TYK2: variants seen among roughly 807,000 people sequenced by gnomAD.
TYK2 encodes tyrosine kinase 2, also known as non-receptor tyrosine-protein kinase TYK2.
In TYK2, 65 loss-of-function variants were observed where a neutral mutation model predicts 130.9. That is an observed-to-expected ratio of 0.50 (90% CI 0.41 to 0.61). TYK2 has a LOEUF of 0.61. Ranked by LOEUF, TYK2 falls within the 20% of genes least tolerant of loss-of-function variation. The probability of loss-of-function intolerance (pLI) is 0.00; values close to 1 mark genes in which losing one functional copy is unlikely to be tolerated. For missense variants in TYK2, 1,378 were observed against 1,610.7 expected, an observed-to-expected ratio of 0.86 and a Z score of 2.47; for synonymous variants, 647 against 658.9, an observed-to-expected ratio of 0.98 and a Z score of 0.28.
Position 10,352,426 on chromosome 19 carries a change from G to C in TYK2, c.3318+8C>G, listed in dbSNP as rs1241130648. ...AACTCCCGGTGGGGCTGCGGGCCTGGCTCTCACCGTGGGGGGGCTCTGGCT... is the reference window on the plus strand; with the variant it reads ...AACTCCCGGTGGGGCTGCGGGCCTGCCTCTCACCGTGGGGGGGCTCTGGCT... On this transcript the variant is annotated splice_region_variant and intron_variant, in intron 23 of 24. Transcript: ENST00000525621. 2 of 1,582,792 alleles carry C rather than the reference G, an allele frequency of 1.3e-6. No homozygotes were observed. Among genetic ancestry groups the C allele is most frequent in the Non-Finnish European group, 1.7e-6 (2 of 1,152,324 alleles).
chr19:10,360,418 G>C (rs555838961), intron 14 of TYK2, among the ~76,000 whole-genome samples: 1 of 152,192 alleles, frequency 6.6e-6, no homozygotes, highest in African/African-American at 2.4e-5. Context: ...GATCGCTTGA[G>C]CCCGGGAGGT....
rs1449014895 is a variant in TYK2 at position 10,378,461 on chromosome 19, C to A, written c.-20-35G>T. 6 of 1,562,862 alleles carry A rather than the reference C, an allele frequency of 3.8e-6. No individual in the cohort carries two copies. In the East Asian group the frequency reaches 6.8e-5, roughly 18 times the overall value. ...GGACAATCTGTCAGCTCCCAAGTCT[C>A]AGCCCAGAGACCCCTGTTAGCTCTT... On this transcript the variant is annotated intron_variant, in intron 2 of 24. Transcript: ENST00000525621.
intron 5 of TYK2, among the ~76,000 whole-genome samples, chr19:10,367,044 CA>C (rs780433495): frequency 0.037 from 4,547 of 122,846 alleles, 183 homozygotes; most frequent in African/African-American, 0.11. Context: ...AACTCTGTCT[CA>C]AAAAAAAAAA....
chr19:10,358,522 T>C (rs1253681782), intron 15 of TYK2, among the ~76,000 whole-genome samples: 5 of 151,966 alleles, frequency 3.3e-5, no homozygotes, highest in African/African-American at 1.2e-4. Context: ...GGTGTGATCA[T>C]AGCTTACTAC....
At chr19:10,367,702 C>T (rs922390876) in intron 5 of TYK2, among the ~76,000 whole-genome samples, 14 of 151,084 alleles carry the variant, frequency 9.3e-5, no homozygotes, top group African/African-American at 1.9e-4. Flanking sequence ...GGGCAGATCA[C>T]GAGGTCAGGA....
At position 10,357,880 on chromosome 19, in the gene TYK2, G is replaced by A. The variant is rs759014184; in HGVS notation, c.2350C>T (p.Leu784=). Residue 784 remains leucine, a synonymous_variant, in exon 17 of 25, where the codon CTA becomes TTA. Coordinates refer to ENST00000525621, the MANE Select transcript of TYK2 (RefSeq NM_003331.5). ...ERIPWLAPEC[L]PGGANSLSTA... is the part of the protein sequence containing the mutation. ...CTTAGGCTGTTGGCCCCACCTGGTA[G>A]GCATTCGGGGGCCAGCCAGGGGATC... 2 of 1,613,418 alleles carry A rather than the reference G, an allele frequency of 1.2e-6. No individual in the cohort carries two copies. Among genetic ancestry groups the A allele is most frequent in the Non-Finnish European group, 8.5e-7 (1 of 1,180,036 alleles).
In TYK2 at chr19:10,361,285, G is replaced by A. The variant is rs1300317578; in HGVS notation, c.2047+226C>T. 5 of 622,072 alleles carry A rather than the reference G, an allele frequency of 8.0e-6. No individual in the cohort carries two copies. Among genetic ancestry groups the A allele is most frequent in the Admixed American group, 2.4e-5 (1 of 41,318 alleles). 38.5% of individuals were successfully genotyped at this position (622,072 alleles called of 1,614,324 possible). On this transcript the variant is annotated intron_variant, in intron 14 of 24. Transcript: ENST00000525621. This position sits in a 1 kb window ranked among gnomAD's most constrained non-coding sequence, Gnocchi z 4.0. ...ATCAGGGTGGGGGTTGAGACTGAGG[G>A]CAGGTGAGGGTCGACGTGTTGGGAT...
intron 23 of TYK2, chr19:10,351,373 G>C (rs2040796271): frequency 2.2e-6 from 1 of 455,334 alleles, no homozygotes; most frequent in Non-Finnish European, 4.1e-6. Context: ...CGTAATCCCA[G>C]CTACTTGGGA....
rs1224824249 is a variant in TYK2 at position 10,368,360 on chromosome 19, C to T, written c.252G>A (p.Trp84Ter). Residue 84 changes from tryptophan to a stop codon, truncating the protein, a stop_gained, in exon 4 of 25, where the codon TGG (tryptophan) becomes TGA (stop). Coordinates refer to ENST00000525621, the MANE Select transcript of TYK2 (RefSeq NM_003331.5). LOFTEE classifies it high-confidence loss of function. Reference protein sequence around the residue: ...FALFDAQAQVWLPPNHILEIP... With the variant: ...FALFDAQAQV ...TCTCTAGGATGTGGTTTGGGGGCAA[C>T]CAGACTTGGGCCTGAGCATCGAAGA... The T allele has an allele frequency of 1.2e-6, 2 of 1,614,004 alleles. No individual in the cohort carries two copies. Among genetic ancestry groups the T allele is most frequent in the African/African-American group, 2.7e-5 (2 of 74,888 alleles).
intron 6 of TYK2, 90 bp from the exon 7 acceptor site, chr19:10,365,988 C>T (rs1416529927): frequency 1.5e-6 from 2 of 1,338,282 alleles, no homozygotes; most frequent in Admixed American, 2.5e-5. Flanking sequence ...CCTCTTTGAG[C>T]CTCAGCTGCC....
chr19:10,350,889 T>G lies in TYK2; in HGVS notation c.3509A>C (p.Lys1170Thr). 1 of 1,614,160 alleles carries G rather than the reference T, an allele frequency of 6.2e-7. No homozygotes were observed. The highest frequency in any genetic ancestry group is 8.5e-7 in the Non-Finnish European group (1 of 1,180,032). ...PTFENLIPILKTVHEKYQGQA... is the reference protein window; with the variant it reads ...PTFENLIPILTTVHEKYQGQA... ...GCCTTGGTACTTCTCATGGACTGTC[T>G]TCAGAATGGGTATGAGGTTCTCGAA... The change falls in exon 25 of 25, where the codon AAG becomes ACG. Residue 1170 changes from lysine (K) to threonine (T), a missense_variant. Transcript: ENST00000525621.
At position 10,358,021 on chromosome 19, in the gene TYK2, C is replaced by T. The variant is rs1197074529; in HGVS notation, c.2293G>A (p.Gly765Ser). 1.2e-6 allele frequency: 2 copies of T among 1,613,490 alleles called. No individual in the cohort carries two copies. Among genetic ancestry groups the T allele is most frequent in the Non-Finnish European group, 1.7e-6 (2 of 1,180,010 alleles). ...TACTCACCCTCCCTGGAGAGGGCGC[C>T]CAGGCCCACGCCAGGATCACTCAGC... Reference protein sequence around the residue: ...IKLSDPGVGLGALSREERVER... With the variant: ...IKLSDPGVGLSALSREERVER... Residue 765 changes from glycine (G) to serine (S), a missense_variant, in exon 16 of 25, where the codon GGC becomes AGC. Coordinates refer to ENST00000525621, the MANE Select transcript of TYK2 (RefSeq NM_003331.5).
rs747336784 is a variant in TYK2 at position 10,350,937 on chromosome 19, G to A, written c.3461C>T (p.Thr1154Ile). 6.2e-7 allele frequency: 1 copy of A among 1,614,214 alleles called. No homozygotes were observed. The highest frequency in any genetic ancestry group is 1.1e-5 in the South Asian group (1 of 91,088). Residue 1154 changes from threonine (T) to isoleucine (I), a missense_variant, in exon 25 of 25, where the codon ACA becomes ATA. By Grantham distance (89) the Thr-to-Ile change is moderately conservative. Coordinates refer to ENST00000525621, the MANE Select transcript of TYK2 (RefSeq NM_003331.5). ...VYHLMKNCWE[T>I]EASFRPTFEN... Reference sequence around the variant, plus strand: ...GAAGGTTGGGCGAAAGGACGCCTCTGTCTCCCAGCAGTTCTTCATGAGATG... The same window carrying A: ...GAAGGTTGGGCGAAAGGACGCCTCTATCTCCCAGCAGTTCTTCATGAGATG...
intron 6 of TYK2, among the ~76,000 whole-genome samples, chr19:10,366,202 G>A (rs1049161681): frequency 1.3e-5 from 2 of 152,098 alleles, no homozygotes; most frequent in African/African-American, 4.8e-5. Flanking sequence ...AGCTACTCAG[G>A]AGGCTGAGGA....
In TYK2 at chr19:10,361,617, T is replaced by A; in HGVS notation, c.1960-19A>T. Reference sequence around the variant, plus strand: ...AGAAGGCCTGTGGGGACCGGGCAGGTCAGGTGGCTGCAAAGCCGACCCCTC... The same window carrying A: ...AGAAGGCCTGTGGGGACCGGGCAGGACAGGTGGCTGCAAAGCCGACCCCTC... On this transcript the variant is annotated intron_variant, in intron 13 of 24. Coordinates refer to ENST00000525621, the MANE Select transcript of TYK2 (RefSeq NM_003331.5). The surrounding 1 kb of genome is among the most constrained non-coding windows in gnomAD (Gnocchi z 4.0). 6.5e-7 allele frequency: 1 copy of A among 1,549,774 alleles called. No individual in the cohort carries two copies. The highest frequency in any genetic ancestry group is 1.4e-5 in the African/African-American group (1 of 73,078).
chr19:10,367,546 A>G (rs1243323371), intron 5 of TYK2, among the ~76,000 whole-genome samples: 3 of 151,940 alleles, frequency 2.0e-5, no homozygotes, highest in Admixed American at 6.6e-5. Context: ...AATCGCTTCA[A>G]CCTGGGAGGT....
rs763559201 is a variant in TYK2 at position 10,364,838 on chromosome 19, C to A, written c.1209+13G>T. On this transcript the variant is annotated intron_variant, in intron 8 of 24. Transcript: ENST00000525621. This position sits in a 1 kb window ranked among gnomAD's most constrained non-coding sequence, Gnocchi z 4.9. ...ATGATGGGCCCTAGCCCAGCCCCTA[C>A]CCTGGGCCTCACCAGGCACTTGTTG... The A allele has an allele frequency of 3.1e-6, 5 of 1,613,914 alleles. No individual in the cohort carries two copies. The highest frequency in any genetic ancestry group is 4.2e-6 in the Non-Finnish European group (5 of 1,180,032).
intron 3 of TYK2, among the ~76,000 whole-genome samples, chr19:10,375,982 G>T (rs1438153455): frequency 6.6e-6 from 1 of 151,330 alleles, no homozygotes; most frequent in Non-Finnish European, 1.5e-5. Context: ...AATTTCCTGT[G>T]CAGGAGGAGG....
rs763514629 is a variant in TYK2, at chr19:10,353,030, G to A, written c.3096C>T (p.Asp1032=). 52 of 1,602,060 alleles carry A rather than the reference G, an allele frequency of 3.2e-5. No homozygotes were observed. Among genetic ancestry groups the A allele is most frequent in the Non-Finnish European group, 4.3e-5 (51 of 1,173,898 alleles). The change falls in exon 22 of 25, where the codon GAC becomes GAT. Residue 1032 remains aspartate (D), a synonymous_variant. Coordinates refer to ENST00000525621, the MANE Select transcript of TYK2 (RefSeq NM_003331.5). The surrounding 1 kb of genome is among the most constrained non-coding windows in gnomAD (Gnocchi z 6.9). The part of the protein sequence containing the change: ...RDLAARNVLL[D]NDRLVKIGDF... ...CCCCGATCTTGACCAGCCTGTCGTTGTCCAGCAGCACGTTGCGCGCGGCTA... is the reference window on the plus strand; with the variant it reads ...CCCCGATCTTGACCAGCCTGTCGTTATCCAGCAGCACGTTGCGCGCGGCTA...
Sources: allele counts gnomAD v4.1 joint callset (sites outside exome capture counted in the v4.1 genomes callset), GRCh38; gene constraint gnomAD v4.1.1; non-coding constraint Gnocchi (gnomAD v3.1); transcripts MANE v1.5; gene names NCBI Gene and HGNC (gene_info 2026-07-23, HGNC 2026-07-21).